The following CCDC102B variants were observed in gnomAD, a reference collection of about 807,000 sequenced individuals.
CCDC102B encodes coiled-coil domain containing 102B, also known as coiled-coil domain-containing protein 102B.
A neutral mutation model predicts 57.4 loss-of-function variants in CCDC102B; 75 were observed. The ratio of observed to expected loss-of-function variants is 1.31; its 90% CI spans 1.08 to 1.58. CCDC102B has a LOEUF of 1.58. Among genes scored for constraint, CCDC102B ranks in the 40% most tolerant of loss-of-function variants. CCDC102B has a pLI of 0.00. For missense variants in CCDC102B, 636 were observed against 582.6 expected (o/e 1.09, Z -0.94); for synonymous variants, 206 against 201.9 (o/e 1.02, Z -0.17).
chr18:68,792,729 G>A (rs1599468642), intron 2 of CCDC102B, among the ~76,000 whole-genome samples: 2 of 152,100 alleles, frequency 1.3e-5, no homozygotes, highest in Non-Finnish European at 2.9e-5. Context: ...TTGAACTCAG[G>A]CCTGTCTGAC....
chr18:68,798,775 G>T (rs543068578), intron 1 of CCDC102B, among the ~76,000 whole-genome samples: 1 of 152,032 alleles, frequency 6.6e-6, no homozygotes. Flanking sequence ...ATAAAATCCT[G>T]TGCATAATAA....
chr18:68,838,731 TA>T lies in CCDC102B; in HGVS notation c.636del (p.Lys212AsnfsTer2). ...NKEQGVVIDS[L>X]KLSEEMKPNL... ...GAACAAGGTGTGGTTATTGATTCTC[TA>T]AAATTAAGTGAGGAGATGAAGCCCA... On this transcript the variant is annotated frameshift_variant, in exon 3 of 8. Transcript: ENST00000360242. LOFTEE classifies it high-confidence loss of function. The T allele has an allele frequency of 2.5e-6, 4 of 1,613,938 alleles. No homozygotes were observed. Among genetic ancestry groups the T allele is most frequent in the Non-Finnish European group, 3.4e-6 (4 of 1,179,880 alleles).
chr18:68,813,218 C>T (rs532027814), intron 1 of CCDC102B, among the ~76,000 whole-genome samples: 2 of 152,180 alleles, frequency 1.3e-5, no homozygotes, highest in South Asian at 2.1e-4. Context: ...TCTCCTGTTT[C>T]GCCATAATAA....
chr18:68,813,751 T>C (rs1288859033), intron 1 of CCDC102B, among the ~76,000 whole-genome samples: 3 of 148,442 alleles, frequency 2.0e-5, no homozygotes, highest in Non-Finnish European at 4.4e-5. Context: ...GCAGCAAAGA[T>C]GAAGTCATAT....
chr18:68,800,959 CT>C (rs2035828012), intron 1 of CCDC102B, among the ~76,000 whole-genome samples: 2 of 152,080 alleles, frequency 1.3e-5, no homozygotes, highest in African/African-American at 4.8e-5. Flanking sequence ...TCATTTTCTT[CT>C]TCTTTTTTTT....
At chr18:68,991,555 G>A (rs1599807051) in intron 6 of CCDC102B, among the ~76,000 whole-genome samples, 1 of 152,252 alleles carries the variant, frequency 6.6e-6, no homozygotes, top group East Asian at 1.9e-4. Context: ...CCCCATGGGG[G>A]CCTGTAAAAT....
At chr18:68,811,359 G>A (rs755145204) in intron 1 of CCDC102B, among the ~76,000 whole-genome samples, 6 of 152,130 alleles carry the variant, frequency 3.9e-5, no homozygotes, top group Non-Finnish European at 7.4e-5. Context: ...GGTGGGTCAC[G>A]CCTGTAATCT....
In CCDC102B at chr18:68,998,989, TATATATATATAGAGAGAGAGAGAG is replaced by T. The variant is rs1386772692; in HGVS notation, c.1264-11943_1264-11920del. ...CATCATATATATATATATATATATATATATATATATAGAGAGAGAGAGAGAGAGAGAGAGAGAGAGAGAGAGAGT... is the reference window on the plus strand; with the variant it reads ...CATCATATATATATATATATATATATAGAGAGAGAGAGAGAGAGAGAGAGT... On this transcript the variant is annotated intron_variant, in intron 6 of 7. Transcript: ENST00000360242. 1.7e-4 allele frequency among the ~76,000 whole-genome samples: 13 copies of T among 75,132 alleles called. 1 individual carries two copies. Among genetic ancestry groups the T allele is most frequent in the Non-Finnish European group, 2.2e-4 (8 of 36,450 alleles). 49.3% of individuals were successfully genotyped at this position (75,132 alleles called of 152,430 possible).
Position 68,850,436 on chromosome 18 carries a change from T to G in CCDC102B, c.936+4015T>G, listed in dbSNP as rs541776172. Among the ~76,000 whole-genome samples the G allele has an allele frequency of 2.0e-5, 3 of 152,122 alleles. No individual in the cohort carries two copies. In the East Asian group the frequency reaches 5.8e-4, roughly 29 times the overall value. The stretch of plus-strand genomic sequence containing the variant: ...TTGAGAAAGACTGCAGAATGAGTGT[T>G]TCTCAAGATATATATTTCCCAAAGA... On this transcript the variant is annotated intron_variant, in intron 4 of 7. Coordinates refer to ENST00000360242, the MANE Select transcript of CCDC102B (RefSeq NM_024781.3).
chr18:68,820,439 A>G (rs1006202405), intron 1 of CCDC102B, among the ~76,000 whole-genome samples: 8 of 152,092 alleles, frequency 5.3e-5, no homozygotes, highest in African/African-American at 1.9e-4. Flanking sequence ...TAAACACCAA[A>G]TTTCTCTTGC....
chr18:68,844,338 T>C (rs1402903254), intron 3 of CCDC102B, among the ~76,000 whole-genome samples: 1 of 150,938 alleles, frequency 6.6e-6, no homozygotes, highest in Non-Finnish European at 1.5e-5. Flanking sequence ...AGGAGGAACA[T>C]AAATATATGC....
intron 7 of CCDC102B, among the ~76,000 whole-genome samples, chr18:69,013,737 A>G (rs1197075092): frequency 6.6e-6 from 1 of 152,242 alleles, no homozygotes; most frequent in Non-Finnish European, 1.5e-5. Context: ...ATGCTTAAAA[A>G]AAGTGAACTC....
At chr18:69,000,049 T>G (rs1373469522) in intron 6 of CCDC102B, among the ~76,000 whole-genome samples, 1 of 152,158 alleles carries the variant, frequency 6.6e-6, no homozygotes, top group African/African-American at 2.4e-5. Context: ...CAAAGAACTT[T>G]CACATAAGGA....
At chr18:68,999,602 G>A (rs2051145680) in intron 6 of CCDC102B, among the ~76,000 whole-genome samples, 1 of 151,414 alleles carries the variant, frequency 6.6e-6, no homozygotes, top group Admixed American at 6.6e-5. Context: ...CAAGATTCTG[G>A]TTTTGTTTGT....
At chr18:68,912,136 A>C (rs2040896964) in intron 6 of CCDC102B, among the ~76,000 whole-genome samples, 1 of 151,228 alleles carries the variant, frequency 6.6e-6, no homozygotes, top group African/African-American at 2.4e-5. Context: ...GATGAAGGTA[A>C]ATTTTGAGAT....
chr18:68,804,167 A>G (rs1056034162), intron 1 of CCDC102B, among the ~76,000 whole-genome samples: 1 of 152,210 alleles, frequency 6.6e-6, no homozygotes, highest in African/African-American at 2.4e-5. Context: ...TCCAACAATG[A>G]TGTGCAATGA....
intron 6 of CCDC102B, among the ~76,000 whole-genome samples, chr18:68,970,555 TC>T (rs942926575): frequency 6.6e-6 from 1 of 151,932 alleles, no homozygotes; most frequent in African/African-American, 2.4e-5. Flanking sequence ...GTTTCTAATC[TC>T]ATCTTTTCCA....
chr18:68,807,698 T>C (rs1335798500), intron 1 of CCDC102B, among the ~76,000 whole-genome samples: 1 of 152,172 alleles, frequency 6.6e-6, no homozygotes, highest in Admixed American at 6.5e-5. Flanking sequence ...ATTCCTTTAC[T>C]TGTCTTTACT....
intron 6 of CCDC102B, among the ~76,000 whole-genome samples, chr18:68,996,794 T>C (rs2051040007): frequency 6.6e-6 from 1 of 152,148 alleles, no homozygotes; most frequent in Non-Finnish European, 1.5e-5. Flanking sequence ...GAATTAAGAA[T>C]TTGGGGGAAG....
Sources: allele counts gnomAD v4.1 joint callset (sites outside exome capture counted in the v4.1 genomes callset), GRCh38; gene constraint gnomAD v4.1.1; transcripts MANE v1.5; gene names NCBI Gene and HGNC (gene_info 2026-07-23, HGNC 2026-07-21).